CNTN5: variants seen among roughly 807,000 people sequenced by gnomAD.
CNTN5 encodes the protein contactin-5.
CNTN5 carries 77 observed loss-of-function variants against 129.1 expected under a neutral mutation model. The ratio of observed to expected loss-of-function variants is 0.60; its 90% CI spans 0.50 to 0.72. The LOEUF (loss-of-function observed/expected upper bound fraction) is 0.72, where lower values mean the gene tolerates loss of function less well. Among genes scored for constraint, CNTN5 ranks in the 30% least tolerant of loss-of-function variants. The pLI is 0.00. For synonymous variants in CNTN5, 509 were observed against 465.6 expected (o/e 1.09, Z -1.20); for missense variants, 1,478 against 1,328.8 (o/e 1.11, Z -1.75).
intron 4 of CNTN5, among the ~76,000 whole-genome samples, chr11:99,835,508 G>A (rs1387659461): frequency 1.3e-5 from 2 of 152,108 alleles, no homozygotes; most frequent in Non-Finnish European, 2.9e-5. Context: ...CTGACATAAT[G>A]TCAGACTCTT....
In CNTN5 at chr11:100,219,841, C is replaced by G. The variant is rs536161759; in HGVS notation, c.1885-4851C>G. 2.6e-5 allele frequency among the ~76,000 whole-genome samples: 4 copies of G among 152,262 alleles called. No individual in the cohort carries two copies. The South Asian group carries it at 8.3e-4, about 32-fold the overall frequency. On this transcript the variant is annotated intron_variant, in intron 15 of 24. Coordinates refer to ENST00000524871, the MANE Select transcript of CNTN5 (RefSeq NM_014361.4). ...ACTTCTGATAACATGTTCAGTTATTCAAGCATGTAGGTTAAATATCATCTA... is the reference window on the plus strand; with the variant it reads ...ACTTCTGATAACATGTTCAGTTATTGAAGCATGTAGGTTAAATATCATCTA...
intron 13 of CNTN5, among the ~76,000 whole-genome samples, chr11:100,176,980 G>A (rs1947987118): frequency 6.6e-6 from 1 of 151,862 alleles, no homozygotes; most frequent in Non-Finnish European, 1.5e-5. Flanking sequence ...TTGAGGTTAT[G>A]ACTATTTGGT....
chr11:99,282,944 AT>A (rs200487980), intron 1 of CNTN5, among the ~76,000 whole-genome samples: 6 of 151,336 alleles, frequency 4.0e-5, no homozygotes, highest in East Asian at 1.9e-4. Context: ...AGAAAGGCTC[AT>A]TTTTTTTTCC....
chr11:99,062,558 A>G (rs2135217476), intron 1 of CNTN5, among the ~76,000 whole-genome samples: 1 of 152,252 alleles, frequency 6.6e-6, no homozygotes, highest in East Asian at 1.9e-4. Flanking sequence ...AGAAACATTT[A>G]TAACTCTAGA....
intron 2 of CNTN5, among the ~76,000 whole-genome samples, chr11:99,368,427 A>G (rs1414536205): frequency 4.0e-5 from 6 of 151,874 alleles, no homozygotes; most frequent in Admixed American, 3.3e-4. Flanking sequence ...GGATCACTTG[A>G]GCCCGGGAGT....
chr11:100,004,575 T>C (rs1940076589), intron 9 of CNTN5, among the ~76,000 whole-genome samples: 1 of 152,210 alleles, frequency 6.6e-6, no homozygotes, highest in Non-Finnish European at 1.5e-5. Context: ...GGATCCCAGA[T>C]GTAATCAGGA....
chr11:99,541,457 A>G (rs1948104264), intron 2 of CNTN5, among the ~76,000 whole-genome samples: 1 of 152,164 alleles, frequency 6.6e-6, no homozygotes, highest in South Asian at 2.1e-4. Flanking sequence ...ACACTGAATA[A>G]GAAATGCCAA....
chr11:99,307,548 C>T (rs2135960416), intron 1 of CNTN5, among the ~76,000 whole-genome samples: 1 of 152,180 alleles, frequency 6.6e-6, no homozygotes, highest in Admixed American at 6.5e-5. Flanking sequence ...ATTCATCTGC[C>T]TATACTGAAA....
intron 3 of CNTN5, among the ~76,000 whole-genome samples, chr11:99,761,697 C>T (rs1944587618): frequency 6.6e-6 from 1 of 151,446 alleles, no homozygotes; most frequent in South Asian, 2.1e-4. Context: ...CAAGTCTTTG[C>T]TATTGTGAAT....
intron 1 of CNTN5, among the ~76,000 whole-genome samples, chr11:99,044,802 C>T (rs1298584799): frequency 6.6e-6 from 1 of 152,064 alleles, no homozygotes; most frequent in Admixed American, 6.5e-5. Context: ...GATAATAATG[C>T]AAATATAAGG....
chr11:99,251,515 G>T (rs1862102823), intron 1 of CNTN5, among the ~76,000 whole-genome samples: 1 of 151,500 alleles, frequency 6.6e-6, no homozygotes, highest in Non-Finnish European at 1.5e-5. Context: ...AATTTACCTA[G>T]TAATTTATAC....
chr11:100,159,980 C>T (rs933427030), intron 13 of CNTN5, among the ~76,000 whole-genome samples: 1 of 151,742 alleles, frequency 6.6e-6, no homozygotes, highest in Non-Finnish European at 1.5e-5. Context: ...GCAGAACGTG[C>T]AGGTTTGTTA....
At chr11:99,128,096 C>T (rs1565339500) in intron 1 of CNTN5, among the ~76,000 whole-genome samples, 1 of 152,092 alleles carries the variant, frequency 6.6e-6, no homozygotes. Flanking sequence ...GAGAACTGTC[C>T]ACTGTCATGG....
At chr11:99,283,187 C>T (rs1172834914) in intron 1 of CNTN5, among the ~76,000 whole-genome samples, 1 of 152,106 alleles carries the variant, frequency 6.6e-6, no homozygotes, top group African/African-American at 2.4e-5. Flanking sequence ...GGAAGAATGA[C>T]TCTTACTCTC....
intron 20 of CNTN5, among the ~76,000 whole-genome samples, chr11:100,301,903 G>A (rs566434046): frequency 6.6e-6 from 1 of 151,616 alleles, no homozygotes; most frequent in Non-Finnish European, 1.5e-5. Context: ...CTGGAGCAGT[G>A]GCTTATGCCT....
chr11:100,161,830 T>TACACATACACAC lies in CNTN5; in HGVS notation c.1581-29291_1581-29290insTACACACACACA, dbSNP rs59930760. On this transcript the variant is annotated intron_variant, in intron 13 of 24. Transcript: ENST00000524871. ...TCTCAAGGATAGCCCTGGAGCTTCC[T>TACACATACACAC]ACACACACACACACACACACACACA... is the stretch of plus-strand genomic sequence containing the variant. Among the ~76,000 whole-genome samples, 652 of 125,856 alleles carry TACACATACACAC rather than the reference T, an allele frequency of 5.2e-3. 8 individuals carry two copies. Among genetic ancestry groups the TACACATACACAC allele is most frequent in the African/African-American group, 0.015 (440 of 29,648 alleles). The allele number at this position is 125,856 out of a possible 152,430, so 82.6% of individuals were successfully genotyped here.
At chr11:99,392,332 A>G (rs1941306703) in intron 2 of CNTN5, among the ~76,000 whole-genome samples, 1 of 151,888 alleles carries the variant, frequency 6.6e-6, no homozygotes, top group African/African-American at 2.4e-5. Context: ...TAGCAAAAAT[A>G]GGAGGGAGAA....
intron 3 of CNTN5, among the ~76,000 whole-genome samples, chr11:99,726,563 C>G (rs550578358): frequency 1.5e-4 from 23 of 152,276 alleles, no homozygotes; most frequent in South Asian, 2.1e-4. Flanking sequence ...TTATTTCTTA[C>G]TTCAGGCAAT....
At chr11:99,232,171 C>T (rs1209839410) in intron 1 of CNTN5, among the ~76,000 whole-genome samples, 1 of 151,988 alleles carries the variant, frequency 6.6e-6, no homozygotes, top group Non-Finnish European at 1.5e-5. Flanking sequence ...AATAGTTTTT[C>T]TCTAATTTGG....
Sources: gnomAD v4.1 joint callset for allele counts (sites outside exome capture counted in the v4.1 genomes callset) on GRCh38, gnomAD v4.1.1 for gene constraint, MANE v1.5 for transcripts, NCBI Gene and HGNC (gene_info 2026-07-23, HGNC 2026-07-21) for gene names.